Variants in TTLL6 observed in about 807,000 individuals in gnomAD.
The protein encoded by TTLL6 is tubulin tyrosine ligase like 6.
TTLL6 carries 75 observed loss-of-function variants against 96.4 expected under a neutral mutation model. That is an observed-to-expected ratio of 0.78 (90% confidence interval 0.65 to 0.94). The LOEUF is 0.94. Among genes scored for constraint, TTLL6 ranks in the 40% least tolerant of loss-of-function variants. The pLI, the probability that TTLL6 is intolerant of heterozygous loss-of-function variation, is 0.00. For synonymous variants in TTLL6, 411 were observed against 419.4 expected, an observed-to-expected ratio of 0.98 and a Z score of 0.24; for missense variants, 1,030 against 1,093.0, an observed-to-expected ratio of 0.94 and a Z score of 0.81.
intron 11 of TTLL6, among the ~76,000 whole-genome samples, 159 bp from the exon 12 acceptor site, chr17:48,786,494 G>A (rs1217816656): frequency 6.6e-6 from 1 of 152,234 alleles, no homozygotes; most frequent in African/African-American, 2.4e-5. Context: ...ATGTCAAGGA[G>A]CAGGGTGTGG....
rs2039311530 is a variant in TTLL6, at chr17:48,796,079, G to A, written c.980C>T (p.Ala327Val). 1.3e-6 allele frequency: 2 copies of A among 1,551,294 alleles called. No individual in the cohort carries two copies. The highest frequency in any genetic ancestry group is 8.7e-7 in the Non-Finnish European group (1 of 1,146,712). The change falls in exon 8 of 16, where the codon GCA becomes GTA. Residue 327 changes from alanine (A) to valine (V), a missense_variant. By Grantham distance (64) the Ala-to-Val change is moderately conservative. Coordinates refer to ENST00000393382, the MANE Select transcript of TTLL6 (RefSeq NM_001130918.3). ...NKHSSNFSRD[A>V]HSGSKRKLST... Reference sequence around the variant, plus strand: ...TCCTTACCTCTTACTGCCAGAGTGTGCATCTCGACTGAAATTTGAACTGTG... The same window carrying A: ...TCCTTACCTCTTACTGCCAGAGTGTACATCTCGACTGAAATTTGAACTGTG...
intron 3 of TTLL6, among the ~76,000 whole-genome samples, chr17:48,802,110 GAAA>G (rs1415961651): frequency 1.1e-5 from 1 of 95,058 alleles, no homozygotes; most frequent in Non-Finnish European, 3.0e-5. Flanking sequence ...AAGAAAGAAA[GAAA>G]GAAAGAAAGA....
At chr17:48,780,828 T>C (rs931247009) in intron 13 of TTLL6, among the ~76,000 whole-genome samples, 1 of 152,176 alleles carries the variant, frequency 6.6e-6, no homozygotes, top group Non-Finnish European at 1.5e-5. Flanking sequence ...GATTTCTCTC[T>C]TTTTTAAGGC....
At chr17:48,765,808 C>T (rs961555966) in intron 15 of TTLL6, 1 of 152,738 alleles carries the variant, frequency 6.5e-6, no homozygotes, top group Non-Finnish European at 1.5e-5. Flanking sequence ...CTCAGCCTCC[C>T]CAGTAGCTGG....
At chr17:48,814,191 C>T (rs544591081) in intron 1 of TTLL6, among the ~76,000 whole-genome samples, 43 of 151,584 alleles carry the variant, frequency 2.8e-4, no homozygotes, top group Non-Finnish European at 5.7e-4. Context: ...TGGTGGCAGG[C>T]GCCTGTAATC....
intron 6 of TTLL6, among the ~76,000 whole-genome samples, chr17:48,799,368 G>C (rs2039371232): frequency 6.6e-6 from 1 of 152,260 alleles, no homozygotes; most frequent in Non-Finnish European, 1.5e-5. Context: ...TACAGGAAAA[G>C]GGCCAGCCTG....
intron 10 of TTLL6, among the ~76,000 whole-genome samples, chr17:48,789,605 AGT>A (rs2039177982): frequency 6.6e-6 from 1 of 152,152 alleles, no homozygotes; most frequent in South Asian, 2.1e-4. Context: ...CCCAGGCTGA[AGT>A]GCAATGGTGT....
intron 13 of TTLL6, among the ~76,000 whole-genome samples, chr17:48,783,700 G>T (rs929246269): frequency 2.6e-5 from 4 of 152,206 alleles, no homozygotes; most frequent in African/African-American, 9.6e-5. Context: ...CAAAGTGCTG[G>T]GATAACAGGC....
chr17:48,814,810 C>T (rs1041126431), intron 1 of TTLL6, among the ~76,000 whole-genome samples: 2 of 152,166 alleles, frequency 1.3e-5, no homozygotes, highest in Non-Finnish European at 2.9e-5. Flanking sequence ...TTTCAAACTC[C>T]AGCCTGTTGC....
chr17:48,798,932 C>A (rs1306485745), intron 6 of TTLL6, among the ~76,000 whole-genome samples: 6 of 150,112 alleles, frequency 4.0e-5, no homozygotes, highest in African/African-American at 1.5e-4. Flanking sequence ...CGGGCTCAAG[C>A]AATTCTCCAG....
At position 48,801,268 on chromosome 17, in the gene TTLL6, AC is replaced by A. The variant is rs1455653458; in HGVS notation, c.597del (p.Trp199CysfsTer41). On this transcript the variant is annotated frameshift_variant, in exon 5 of 16. Coordinates refer to ENST00000393382, the MANE Select transcript of TTLL6 (RefSeq NM_001130918.3). LOFTEE classifies it high-confidence loss of function. The part of the protein sequence containing the change: ...PKDFRFFPRT[W>X]CLPADWGDLQ... ...GGGGGCACTCACTCAGCAGGAAGAC[AC>A]CAGGTCCTAGGGAAAAAGCGGAAAT... 3 of 1,551,634 alleles carry A rather than the reference AC, an allele frequency of 1.9e-6. No individual in the cohort carries two copies. Among genetic ancestry groups the A allele is most frequent in the South Asian group, 2.4e-5 (2 of 84,056 alleles).
chr17:48,785,802 G>A (rs186413105), intron 12 of TTLL6, among the ~76,000 whole-genome samples: 8 of 152,242 alleles, frequency 5.3e-5, no homozygotes, highest in Admixed American at 5.2e-4. Flanking sequence ...CCTGCTAGAG[G>A]GGAGCATTCC....
intron 13 of TTLL6, among the ~76,000 whole-genome samples, chr17:48,777,049 C>CACACACACA (rs55732600): frequency 1.4e-5 from 2 of 147,608 alleles, no homozygotes; most frequent in South Asian, 2.2e-4. Context: ...CACACACACA[C>CACACACACA]CCCTAAAAAA....
intron 5 of TTLL6, chr17:48,800,040 A>T: frequency 2.6e-6 from 1 of 389,336 alleles, no homozygotes; most frequent in Non-Finnish European, 4.7e-6. Flanking sequence ...CAACTTCATC[A>T]TCTATACAGT....
intron 8 of TTLL6, among the ~76,000 whole-genome samples, chr17:48,792,032 ATC>A (rs1227722202): frequency 2.6e-5 from 4 of 152,194 alleles, no homozygotes; most frequent in African/African-American, 9.6e-5. Flanking sequence ...CACCTCAGCC[ATC>A]TGAGGGGATT....
At chr17:48,774,082 CAAAAAAAACAAAACAAA>C (rs1233459978) in intron 13 of TTLL6, among the ~76,000 whole-genome samples, 1 of 46,164 alleles carries the variant, frequency 2.2e-5, no homozygotes, top group Non-Finnish European at 3.9e-5. Context: ...AACTCCATCT[CAAAAAAAACAAAACAAA>C]AAAAAAAAAA....
chr17:48,782,457 G>T (rs1056527132), intron 13 of TTLL6, among the ~76,000 whole-genome samples: 2 of 151,870 alleles, frequency 1.3e-5, no homozygotes, highest in Non-Finnish European at 2.9e-5. Flanking sequence ...ACCCTGCCCT[G>T]GTTTGCAAAT....
chr17:48,778,069 G>A (rs1158160084), intron 13 of TTLL6, among the ~76,000 whole-genome samples: 1 of 151,988 alleles, frequency 6.6e-6, no homozygotes, highest in Non-Finnish European at 1.5e-5. Flanking sequence ...TTGAGGTCAG[G>A]GGTTCAAGAC....
intron 9 of TTLL6, 125 bp downstream of exon 9, chr17:48,791,253 G>T: frequency 1.3e-6 from 1 of 781,122 alleles, no homozygotes; most frequent in Non-Finnish European, 2.1e-6. Context: ...CAGGCAGCAG[G>T]CACCATGGGA....
Sources: gnomAD v4.1 joint callset for allele counts (sites outside exome capture counted in the v4.1 genomes callset) on GRCh38, gnomAD v4.1.1 for gene constraint, MANE v1.5 for transcripts, NCBI Gene and HGNC (gene_info 2026-07-23, HGNC 2026-07-21) for gene names.